ZNF263: variants seen among roughly 807,000 people sequenced by gnomAD.
The protein encoded by ZNF263 is zinc finger protein FPM315.
In ZNF263, 49 loss-of-function variants were observed where a neutral mutation model predicts 63.1. That is an observed-to-expected ratio of 0.78 (90% CI 0.62 to 0.99). ZNF263 has a LOEUF of 0.99. Among genes scored for constraint, ZNF263 ranks in the 50% least tolerant of loss-of-function variants. ZNF263 has a pLI of 0.00. For missense variants in ZNF263, 872 were observed against 854.8 expected, an observed-to-expected ratio of 1.02 and a Z score of -0.25; for synonymous variants, 352 against 324.2, an observed-to-expected ratio of 1.09 and a Z score of -0.92.
At chr16:3,298,535 T>C (rs904628347) in intron 1 of ZNF263, among the ~76,000 whole-genome samples, 5 of 152,214 alleles carry the variant, frequency 3.3e-5, no homozygotes, top group Non-Finnish European at 7.4e-5. Flanking sequence ...ATAATCAGCA[T>C]GTTACTTTCA....
chr16:3,287,298 G>A (rs2150772815), intron 4 of ZNF263, among the ~76,000 whole-genome samples: 1 of 151,320 alleles, frequency 6.6e-6, no homozygotes, highest in East Asian at 1.9e-4. Context: ...TTTTAGTAGA[G>A]ACAGGATTTC....
At chr16:3,292,877 C>T (rs540287605), downstream of ZNF263, 6 of 152,332 alleles carry the variant, frequency 3.9e-5, no homozygotes, top group South Asian at 1.2e-3. Context: ...AAAATAACTA[C>T]ATAAAGCAGC....
chr16:3,292,081 T>C (rs1157135738), downstream of ZNF263, among the ~76,000 whole-genome samples: 1 of 152,086 alleles, frequency 6.6e-6, no homozygotes, highest in Admixed American at 6.5e-5. Context: ...ATATCAGAAA[T>C]AGGAATTCTA....
chr16:3,295,945 C>T (rs549926374), downstream of ZNF263, among the ~76,000 whole-genome samples: 17 of 152,318 alleles, frequency 1.1e-4, no homozygotes, highest in South Asian at 2.1e-4. Context: ...TGCTCTTCTC[C>T]GCCAGAGGCC....
chr16:3,286,413 A>C, intron 4 of ZNF263: 8 of 299,738 alleles, frequency 2.7e-5, no homozygotes, highest in Admixed American at 5.3e-5. Context: ...AGCAAACCCA[A>C]TGCGGTGACA....
chr16:3,290,790 C>A lies in ZNF263; in HGVS notation c.*232C>A, dbSNP rs991315209. On this transcript the variant is annotated 3_prime_UTR_variant, in exon 6 of 6. Coordinates refer to ENST00000219069, the MANE Select transcript of ZNF263 (RefSeq NM_005741.5). ...TCTGAGGTGACCTCAGGGTGGAATT[C>A]TCTGTTAAGTCCACCCTGCCCCAGG... 6 of 1,329,468 alleles carry A rather than the reference C, an allele frequency of 4.5e-6. No homozygotes were observed. In the African/African-American group the frequency reaches 8.8e-5, roughly 20 times the overall value. The allele number at this position is 1,329,468 out of a possible 1,614,324, so 82.4% of individuals were successfully genotyped here.
At chr16:3,287,263 A>C (rs1332301957) in intron 4 of ZNF263, among the ~76,000 whole-genome samples, 3 of 152,140 alleles carry the variant, frequency 2.0e-5, no homozygotes, top group African/African-American at 7.2e-5. Flanking sequence ...GGCATGCGCC[A>C]CCACACCCGG....
chr16:3,286,338 C>G, intron 4 of ZNF263, 189 bp downstream of exon 4: 1 of 763,094 alleles, frequency 1.3e-6, no homozygotes, highest in Non-Finnish European at 1.9e-6. Flanking sequence ...ACAGGCAGCC[C>G]GGGACTGGAG....
chr16:3,291,520 C>T, downstream of ZNF263: 6 of 983,702 alleles, frequency 6.1e-6, no homozygotes, highest in Non-Finnish European at 7.2e-6. Context: ...TCTGTCTCCC[C>T]TCTGCCTTGG....
chr16:3,299,434 G>A, intron 2 of ZNF263: 1 of 1,559,580 alleles, frequency 6.4e-7, no homozygotes, highest in South Asian at 1.2e-5. Flanking sequence ...ATTTGCTATG[G>A]TTATTTGTTT....
chr16:3,291,209 C>G lies in ZNF263; in HGVS notation c.*651C>G. ...AAGGGCAATAATAAGGTGGAATTTGCAGGTCAGCCCAGGAATTGGCAGAGG... is the reference window on the plus strand; with the variant it reads ...AAGGGCAATAATAAGGTGGAATTTGGAGGTCAGCCCAGGAATTGGCAGAGG... On this transcript the variant is annotated 3_prime_UTR_variant, in exon 6 of 6. Coordinates refer to ENST00000219069, the MANE Select transcript of ZNF263 (RefSeq NM_005741.5). The G allele has an allele frequency of 1.0e-6, 1 of 985,614 alleles. No individual in the cohort carries two copies. Among genetic ancestry groups the G allele is most frequent in the Non-Finnish European group, 1.2e-6 (1 of 830,118 alleles). The allele number at this position is 985,614 out of a possible 1,614,324, so 61.1% of individuals were successfully genotyped here. A position where few individuals can be genotyped will look rare whatever the true frequency, so the allele number is the denominator to read the frequency against.
At chr16:3,287,668 G>C (rs1373464133) in intron 4 of ZNF263, among the ~76,000 whole-genome samples, 1 of 151,824 alleles carries the variant, frequency 6.6e-6, no homozygotes, top group African/African-American at 2.4e-5. Context: ...GGAGGTTTTT[G>C]TTTTTCTTTT....
At chr16:3,293,269 G>A (rs1453578587), downstream of ZNF263, 1 of 152,164 alleles carries the variant, frequency 6.6e-6, no homozygotes. Flanking sequence ...CTTCACTTGC[G>A]TGCTTGCTTG....
intron 5 of ZNF263, 118 bp downstream of exon 5, chr16:3,288,688 C>A: frequency 1.6e-6 from 1 of 645,032 alleles, no homozygotes; most frequent in Non-Finnish European, 2.6e-6. Flanking sequence ...TCTTGTTGCC[C>A]AGGCTGGAGT....
chr16:3,288,612 G>C (rs762870053), intron 5 of ZNF263, 42 bp downstream of exon 5: 7 of 1,473,924 alleles, frequency 4.7e-6, no homozygotes, highest in East Asian at 2.3e-5. Context: ...AAGCAGCAAG[G>C]CTCTTGCAGT....
chr16:3,300,377 C>G lies in ZNF263; in HGVS notation c.*47-536C>G, dbSNP rs201261894. The stretch of plus-strand genomic sequence containing the variant: ...TACCACATGTAGACCGCATCATCTA[C>G]ATCACCATATTTGGCTCCCGTTGTC... On this transcript the variant is annotated intron_variant, in intron 2 of 2. Coordinates refer to the ZNF263 transcript ENST00000574674. 214 of 1,614,130 alleles carry G rather than the reference C, an allele frequency of 1.3e-4. No homozygotes were observed. Among genetic ancestry groups the G allele is most frequent in the Non-Finnish European group, 1.8e-4 (210 of 1,180,060 alleles).
At chr16:3,288,625 AGAGT>A in intron 5 of ZNF263, 55 bp downstream of exon 5, 2 of 1,359,914 alleles carry the variant, frequency 1.5e-6, no homozygotes, top group Non-Finnish European at 2.0e-6. Context: ...CTTGCAGTTA[AGAGT>A]GAGGCATTTT....
chr16:3,296,499 C>T (rs1285132331), intron 1 of ZNF263, among the ~76,000 whole-genome samples: 1 of 152,162 alleles, frequency 6.6e-6, no homozygotes, highest in Non-Finnish European at 1.5e-5. Flanking sequence ...CCCCAGCTTG[C>T]AGTCATTATG....
chr16:3,284,321 G>A (rs1959260164), intron 1 of ZNF263, 116 bp downstream of exon 1: 1 of 1,374,512 alleles, frequency 7.3e-7, no homozygotes, highest in African/African-American at 1.5e-5. Context: ...GTGGGGAAGA[G>A]GACTTGTGAT....
Sources: gnomAD v4.1 joint callset for allele counts (sites outside exome capture counted in the v4.1 genomes callset) on GRCh38, gnomAD v4.1.1 for gene constraint, MANE v1.5 for transcripts, NCBI Gene and HGNC (gene_info 2026-07-23, HGNC 2026-07-21) for gene names.